The following SUGCT variants were observed in gnomAD, a reference collection of about 807,000 sequenced individuals.
SUGCT encodes the protein succinyl-CoA:glutarate CoA-transferase.
Under a neutral mutation model 55.0 loss-of-function variants are expected in SUGCT, and 41 were observed. The observed-to-expected ratio is 0.74, with a 90% CI of 0.58 to 0.97. SUGCT has a LOEUF of 0.97. Ranked by LOEUF, SUGCT falls within the 50% of genes least tolerant of loss-of-function variation. The pLI is 0.00. For missense variants in SUGCT, 568 were observed against 547.8 expected, an observed-to-expected ratio of 1.04 and a Z score of -0.37; for synonymous variants, 187 against 200.4, an observed-to-expected ratio of 0.93 and a Z score of 0.56.
intron 12 of SUGCT, among the ~76,000 whole-genome samples, chr7:40,703,986 T>C (rs1785281856): frequency 6.6e-6 from 1 of 152,236 alleles, no homozygotes; most frequent in Non-Finnish European, 1.5e-5. Context: ...CGGAGGAGAC[T>C]TGTACGGTGG....
intron 7 of SUGCT, among the ~76,000 whole-genome samples, chr7:40,267,039 A>AAC (rs5883725): frequency 0.39 from 54,481 of 139,342 alleles, 10,050 homozygotes; most frequent in East Asian, 0.48. Context: ...CAAACAAACA[A>AAC]AAAAAAAAAA....
At chr7:40,879,594 C>CT in the SUGCT span, among the ~76,000 whole-genome samples, 1 of 152,176 alleles carries the variant, frequency 6.6e-6, no homozygotes, top group East Asian at 1.9e-4. Flanking sequence ...CAAGAAATGT[C>CT]TTCAATGGTT....
the SUGCT span, among the ~76,000 whole-genome samples, chr7:40,977,608 C>A: frequency 6.6e-6 from 1 of 152,148 alleles, no homozygotes; most frequent in Non-Finnish European, 1.5e-5. Context: ...AACAAGCTTA[C>A]AAGGTGGCTG....
At chr7:40,628,981 A>G (rs978516375) in intron 12 of SUGCT, among the ~76,000 whole-genome samples, 13 of 152,048 alleles carry the variant, frequency 8.5e-5, no homozygotes, top group African/African-American at 2.7e-4. Context: ...ACCTCAGGTG[A>G]TAGGATTTAC....
At chr7:40,390,489 T>C (rs1242625550) in intron 9 of SUGCT, among the ~76,000 whole-genome samples, 4 of 152,110 alleles carry the variant, frequency 2.6e-5, no homozygotes, top group Non-Finnish European at 4.4e-5. Context: ...TATACACTGA[T>C]AACAGACAAA....
chr7:40,516,626 C>A (rs1004988871), intron 12 of SUGCT, among the ~76,000 whole-genome samples: 11 of 152,048 alleles, frequency 7.2e-5, no homozygotes, highest in African/African-American at 2.2e-4. Context: ...ATTGTTCTGG[C>A]ACCCTTGTTG....
chr7:40,186,403 C>T (rs541231131), intron 3 of SUGCT, among the ~76,000 whole-genome samples: 17 of 151,906 alleles, frequency 1.1e-4, no homozygotes, highest in South Asian at 2.1e-4. Flanking sequence ...GGAATACAGG[C>T]GTGTGCTACC....
At chr7:40,700,076 G>A (rs1259744303) in intron 12 of SUGCT, among the ~76,000 whole-genome samples, 2 of 152,116 alleles carry the variant, frequency 1.3e-5, no homozygotes, top group Non-Finnish European at 2.9e-5. Context: ...GATTTACAGA[G>A]GAGGGTGGAA....
At chr7:40,468,218 C>T (rs1016572165) in intron 11 of SUGCT, among the ~76,000 whole-genome samples, 1 of 152,150 alleles carries the variant, frequency 6.6e-6, no homozygotes, top group African/African-American at 2.4e-5. Context: ...TAGTAAAATA[C>T]ACCCATGACT....
At chr7:40,545,448 A>G (rs899180359) in intron 12 of SUGCT, among the ~76,000 whole-genome samples, 4 of 152,092 alleles carry the variant, frequency 2.6e-5, no homozygotes, top group Non-Finnish European at 4.4e-5. Context: ...TCCTTTGTCT[A>G]TTGCATTTTT....
At chr7:40,450,684 G>A (rs951634875) in intron 10 of SUGCT, among the ~76,000 whole-genome samples, 10 of 151,872 alleles carry the variant, frequency 6.6e-5, no homozygotes, top group Non-Finnish European at 1.5e-4. Context: ...TGAGGCAGGA[G>A]AATTGCTTGA....
At chr7:40,651,557 A>AT (rs1014163291) in intron 12 of SUGCT, among the ~76,000 whole-genome samples, 2 of 151,894 alleles carry the variant, frequency 1.3e-5, no homozygotes, top group African/African-American at 2.4e-5. Flanking sequence ...CTAGGCATGC[A>AT]TTTTTTTCAC....
Position 40,657,746 on chromosome 7 carries a change from C to G in SUGCT, c.1090-91688C>G, listed in dbSNP as rs191241704. The stretch of plus-strand genomic sequence containing the variant: ...AGACGGGGTTTCGCCATGTTGGCCA[C>G]GCTGATCTTGATCTCCTGACCTCGT... On this transcript the variant is annotated intron_variant, in intron 12 of 13. Coordinates refer to ENST00000335693, the MANE Select transcript of SUGCT (RefSeq NM_001193313.2). Among the ~76,000 whole-genome samples, 817 of 152,248 alleles carry G rather than the reference C, an allele frequency of 5.4e-3. 5 individuals are homozygous for G. The highest frequency in any genetic ancestry group is 0.014 in the African/African-American group (566 of 41,542).
At chr7:40,616,037 A>C (rs1350137152) in intron 12 of SUGCT, among the ~76,000 whole-genome samples, 1 of 152,174 alleles carries the variant, frequency 6.6e-6, no homozygotes, top group Non-Finnish European at 1.5e-5. Context: ...TTTTTATTTC[A>C]GGATCACTAC....
Position 40,788,498 on chromosome 7 carries a change from G to T in SUGCT, c.1153+39001G>T, listed in dbSNP as rs185553452. 2.6e-4 allele frequency among the ~76,000 whole-genome samples: 40 copies of T among 152,266 alleles called. No homozygotes were observed. The East Asian group carries it at 5.6e-3, about 21-fold the overall frequency. On this transcript the variant is annotated intron_variant, in intron 13 of 13. Transcript: ENST00000335693. Reference sequence around the variant, plus strand: ...AGTTACAAACACACATAAAACAAAGGTGAAAGTAGGAAGTTTTAACAAGAA... The same window carrying T: ...AGTTACAAACACACATAAAACAAAGTTGAAAGTAGGAAGTTTTAACAAGAA...
intron 9 of SUGCT, among the ~76,000 whole-genome samples, chr7:40,324,409 C>T (rs1177691974): frequency 6.6e-6 from 1 of 151,514 alleles, no homozygotes; most frequent in African/African-American, 2.4e-5. Flanking sequence ...ATATACGTCA[C>T]CATGCCAGGC....
the SUGCT span, among the ~76,000 whole-genome samples, chr7:40,954,148 A>G: frequency 6.6e-6 from 1 of 152,198 alleles, no homozygotes; most frequent in Non-Finnish European, 1.5e-5. Flanking sequence ...AGCCTCAGCA[A>G]TGGCGGGTGC....
the SUGCT span, among the ~76,000 whole-genome samples, chr7:41,031,965 G>A: frequency 2.6e-5 from 4 of 151,838 alleles, no homozygotes; most frequent in Admixed American, 6.6e-5. Context: ...ATGGAGTGGA[G>A]CCCTGTGCCC....
intron 13 of SUGCT, among the ~76,000 whole-genome samples, chr7:40,754,095 G>A (rs547372846): frequency 2.0e-5 from 3 of 152,250 alleles, no homozygotes; most frequent in East Asian, 1.9e-4. Flanking sequence ...TTATCTCTAA[G>A]TGTGAGTTTT....
Sources: allele counts gnomAD v4.1 joint callset (sites outside exome capture counted in the v4.1 genomes callset), GRCh38; gene constraint gnomAD v4.1.1; transcripts MANE v1.5; gene names NCBI Gene and HGNC (gene_info 2026-07-23, HGNC 2026-07-21).